The following CCDC91 variants were observed in gnomAD, a reference collection of about 807,000 sequenced individuals.
CCDC91 encodes coiled-coil domain containing 91, also known as coiled-coil domain-containing protein 91.
A neutral mutation model predicts 63.2 loss-of-function variants in CCDC91; 48 were observed. That is an observed-to-expected ratio of 0.76 (90% confidence interval 0.60 to 0.97). The LOEUF (loss-of-function observed/expected upper bound fraction) is 0.97, where lower values mean the gene tolerates loss of function less well. CCDC91 is among the 50% of genes least tolerant of loss of function. CCDC91 has a pLI of 0.00. For synonymous variants in CCDC91, 167 were observed against 165.8 expected, an observed-to-expected ratio of 1.01 and a Z score of -0.06; for missense variants, 500 against 494.6, an observed-to-expected ratio of 1.01 and a Z score of -0.10.
intron 8 of CCDC91, among the ~76,000 whole-genome samples, chr12:28,411,877 A>G (rs575191448): frequency 6.6e-6 from 1 of 152,276 alleles, no homozygotes; most frequent in African/African-American, 2.4e-5. Context: ...GTCCTTCAGG[A>G]GGTATTTCAG....
At chr12:28,449,549 T>C (rs1390425273) in intron 8 of CCDC91, among the ~76,000 whole-genome samples, 1 of 152,056 alleles carries the variant, frequency 6.6e-6, no homozygotes, top group Non-Finnish European at 1.5e-5. Context: ...GATAGTTATG[T>C]GAGCTTTTTC....
At chr12:28,312,645 T>TGG (rs748035034) in intron 6 of CCDC91, among the ~76,000 whole-genome samples, 7 of 152,060 alleles carry the variant, frequency 4.6e-5, no homozygotes, top group Non-Finnish European at 1.0e-4. Flanking sequence ...AATAGTGATA[T>TGG]GGTTTGGCTG....
intron 6 of CCDC91, among the ~76,000 whole-genome samples, chr12:28,334,234 A>G (rs2137762578): frequency 6.6e-6 from 1 of 152,182 alleles, no homozygotes. Flanking sequence ...GCTTGCAGAT[A>G]TGGATATCTG....
Position 28,507,665 on chromosome 12 carries a change from T to C in CCDC91, c.1215+23500T>C, listed in dbSNP as rs542304111. 3.9e-5 allele frequency among the ~76,000 whole-genome samples: 6 copies of C among 152,108 alleles called. No individual in the cohort carries two copies. The South Asian group carries it at 1.2e-3, about 32-fold the overall frequency. ...TGTTCTTCCTAATTCCTTCCAGCTC[T>C]AGGAGTTAATGTCTTTTACTGTGCT... is the stretch of plus-strand genomic sequence containing the variant. On this transcript the variant is annotated intron_variant, in intron 12 of 12. Transcript: ENST00000536442.
intron 8 of CCDC91, among the ~76,000 whole-genome samples, chr12:28,424,668 TC>T (rs1190681413): frequency 2.6e-5 from 4 of 152,282 alleles, no homozygotes; most frequent in African/African-American, 9.6e-5. Flanking sequence ...AAAATATTAA[TC>T]CTGAAAAGCT....
intron 6 of CCDC91, among the ~76,000 whole-genome samples, chr12:28,318,403 A>C (rs1940132265): frequency 1.3e-5 from 2 of 151,656 alleles, no homozygotes; most frequent in Admixed American, 1.3e-4. Context: ...GCTGCTGGGC[A>C]TGGTGTGTGC....
chr12:28,284,000 C>G (rs1395452351), intron 3 of CCDC91, among the ~76,000 whole-genome samples: 1 of 152,100 alleles, frequency 6.6e-6, no homozygotes, highest in Non-Finnish European at 1.5e-5. Context: ...TTGACATGGT[C>G]TGGTTCTTCT....
chr12:28,261,795 C>T lies in CCDC91; in HGVS notation c.109+2353C>T, dbSNP rs565005977. ...AGTGGGTCAAGTTCTCAAACCTTCG[C>T]GAAACTGGAATTAAAGGACAAATCA... On this transcript the variant is annotated intron_variant, in intron 3 of 12. Coordinates refer to ENST00000536442, the MANE Select transcript of CCDC91 (RefSeq NM_018318.5). 4.4e-4 allele frequency among the ~76,000 whole-genome samples: 67 copies of T among 151,848 alleles called. 2 individuals carry two copies. Among genetic ancestry groups the T allele is most frequent in the East Asian group, 3.9e-3 (20 of 5,166 alleles).
chr12:28,331,130 T>G (rs1318656933), intron 6 of CCDC91, among the ~76,000 whole-genome samples: 1 of 152,242 alleles, frequency 6.6e-6, no homozygotes, highest in Non-Finnish European at 1.5e-5. Flanking sequence ...TTAAAAAGAT[T>G]AGGAAATATT....
intron 10 of CCDC91, among the ~76,000 whole-genome samples, chr12:28,450,864 T>C (rs1949770597): frequency 6.6e-6 from 1 of 151,764 alleles, no homozygotes; most frequent in African/African-American, 2.4e-5. Flanking sequence ...TAAAATTAAA[T>C]TTAGCAAACA....
intron 12 of CCDC91, among the ~76,000 whole-genome samples, chr12:28,536,585 C>A (rs1368192694): frequency 6.6e-6 from 1 of 152,024 alleles, no homozygotes. Flanking sequence ...CCTTTCTGGG[C>A]CAGTTTGTTC....
At chr12:28,200,823 G>A (rs1330579408) in intron 1 of CCDC91, among the ~76,000 whole-genome samples, 1 of 151,790 alleles carries the variant, frequency 6.6e-6, no homozygotes, top group Admixed American at 6.5e-5. Context: ...GCCGGGCAGA[G>A]GGGCTCCTCA....
chr12:28,450,527 G>T, intron 10 of CCDC91, 109 bp downstream of exon 10: 4 of 812,418 alleles, frequency 4.9e-6, no homozygotes, highest in Non-Finnish European at 2.0e-6. Context: ...CATAAAAATC[G>T]TTTTTATTTC....
intron 7 of CCDC91, among the ~76,000 whole-genome samples, chr12:28,370,962 C>G (rs1286482665): frequency 6.6e-6 from 1 of 152,098 alleles, no homozygotes; most frequent in Non-Finnish European, 1.5e-5. Context: ...CTTCCCCTGA[C>G]ATGTGGGAAT....
chr12:28,547,887 T>C (rs1411772137), intron 12 of CCDC91, among the ~76,000 whole-genome samples: 2 of 152,100 alleles, frequency 1.3e-5, no homozygotes, highest in African/African-American at 4.8e-5. Flanking sequence ...TTTGCCTTTG[T>C]GGGGGATGCA....
intron 2 of CCDC91, among the ~76,000 whole-genome samples, chr12:28,258,478 C>G (rs1946601146): frequency 6.6e-6 from 1 of 151,934 alleles, no homozygotes; most frequent in Non-Finnish European, 1.5e-5. Context: ...CAAATTGATT[C>G]CTTTCAGTAC....
chr12:28,204,216 T>TAA (rs1481508274), intron 1 of CCDC91, among the ~76,000 whole-genome samples: 4 of 152,180 alleles, frequency 2.6e-5, no homozygotes, highest in Non-Finnish European at 1.5e-5. Flanking sequence ...AACATGGGGT[T>TAA]AAAATGTAGC....
chr12:28,410,531 TG>T (rs1947250987), intron 8 of CCDC91, among the ~76,000 whole-genome samples: 1 of 152,168 alleles, frequency 6.6e-6, no homozygotes, highest in African/African-American at 2.4e-5. Context: ...TTTGTTTGTT[TG>T]TTTTTTTGAG....
chr12:28,508,232 T>G (rs867243759), intron 12 of CCDC91, among the ~76,000 whole-genome samples: 2 of 151,908 alleles, frequency 1.3e-5, no homozygotes, highest in Non-Finnish European at 2.9e-5. Context: ...CTCTGGTCTT[T>G]TCTGGGGAGA....
Sources: allele counts gnomAD v4.1 joint callset (sites outside exome capture counted in the v4.1 genomes callset), GRCh38; gene constraint gnomAD v4.1.1; transcripts MANE v1.5; gene names NCBI Gene and HGNC (gene_info 2026-07-23, HGNC 2026-07-21).